Variants in PID1 observed in about 807,000 individuals in gnomAD.
PID1 encodes the protein phosphotyrosine interaction domain containing 1, also known as PTB-containing, cubilin and LRP1-interacting protein.
In PID1, 10 loss-of-function variants were observed where a neutral mutation model predicts 19.1. The observed-to-expected ratio is 0.52, with a 90% CI of 0.32 to 0.89. The LOEUF (loss-of-function observed/expected upper bound fraction) is 0.89, where lower values mean the gene tolerates loss of function less well. PID1 is among the 40% of genes least tolerant of loss of function. The pLI is 0.03. For missense variants in PID1, 248 were observed against 285.3 expected (o/e 0.87, Z 0.94); for synonymous variants, 130 against 116.0 (o/e 1.12, Z -0.78).
chr2:229,170,547 TAAC>T (rs1690690477), intron 1 of PID1, among the ~76,000 whole-genome samples: 1 of 152,222 alleles, frequency 6.6e-6, no homozygotes, highest in African/African-American at 2.4e-5. Context: ...ACAAAAGTGT[TAAC>T]AGCAGCTATT....
chr2:229,199,254 T>C (rs556643146), intron 1 of PID1, among the ~76,000 whole-genome samples: 1 of 152,216 alleles, frequency 6.6e-6, no homozygotes, highest in East Asian at 1.9e-4. Context: ...AAGTATCACG[T>C]TGCTTTCTTT....
At chr2:229,095,728 C>G (rs1694960132) in intron 2 of PID1, among the ~76,000 whole-genome samples, 1 of 152,106 alleles carries the variant, frequency 6.6e-6, no homozygotes, top group African/African-American at 2.4e-5. Context: ...TGTCCAATTT[C>G]AAATTAGACC....
At position 229,136,345 on chromosome 2, in the gene PID1, C is replaced by T. The variant is rs188003921; in HGVS notation, c.177+19473G>A. ...TTGACCACAACCTCAGGAGAGACCC[C>T]GAGACACAGGTGGTCAGATAACCTG... On this transcript the variant is annotated intron_variant, in intron 2 of 2. Transcript: ENST00000392055. Among the ~76,000 whole-genome samples the T allele has an allele frequency of 1.4e-4, 22 of 152,144 alleles. No homozygotes were observed. The East Asian group carries it at 2.5e-3, about 17-fold the overall frequency.
chr2:229,225,114 A>C (rs1185020192), intron 1 of PID1, among the ~76,000 whole-genome samples: 1 of 152,116 alleles, frequency 6.6e-6, no homozygotes, highest in East Asian at 1.9e-4. Context: ...CATACCATAA[A>C]GGTAAGAGCT....
rs115629412 is a variant in PID1, at chr2:229,213,686, A to G, written c.30+57328T>C. On this transcript the variant is annotated intron_variant, in intron 1 of 2. Transcript: ENST00000392055. ...TATATCCCTGTGCCTCTCAAAGGTA[A>G]ACATTATATCTTCCTTCTATTCTCA... Among the ~76,000 whole-genome samples, 554 of 152,322 alleles carry G rather than the reference A, an allele frequency of 3.6e-3. 7 individuals are homozygous for G. Among genetic ancestry groups the G allele is most frequent in the Non-Finnish European group, 4.2e-3 (288 of 68,014 alleles).
intron 1 of PID1, among the ~76,000 whole-genome samples, chr2:229,250,356 T>A (rs879824188): frequency 5.3e-5 from 8 of 152,180 alleles, no homozygotes; most frequent in Non-Finnish European, 8.8e-5. Context: ...TTGGACAAAA[T>A]GCTTTTATTT....
chr2:229,163,931 G>C (rs1690547891), intron 1 of PID1, among the ~76,000 whole-genome samples: 1 of 152,118 alleles, frequency 6.6e-6, no homozygotes, highest in Admixed American at 6.5e-5. Context: ...CTGCTTTGTT[G>C]TTAAAATTTG....
chr2:229,024,118 C>T lies in PID1; in HGVS notation c.*1514G>A, dbSNP rs1693358706. On this transcript the variant is annotated 3_prime_UTR_variant, in exon 3 of 3. Coordinates refer to ENST00000392055, the MANE Select transcript of PID1 (RefSeq NM_001100818.2). ...TCCTCAATATGACTCCATGCTTATT[C>T]TACATGCCTGAAAACTGGGCCCACA... 6.6e-6 allele frequency: 1 copy of T among 152,628 alleles called. No individual in the cohort carries two copies. Among genetic ancestry groups the T allele is most frequent in the African/African-American group, 2.4e-5 (1 of 41,436 alleles). 9.5% of individuals were successfully genotyped at this position (152,628 alleles called of 1,614,324 possible).
intron 2 of PID1, among the ~76,000 whole-genome samples, chr2:229,130,502 T>G (rs1432358627): frequency 6.6e-6 from 1 of 152,224 alleles, no homozygotes; most frequent in East Asian, 1.9e-4. Flanking sequence ...GATCATTTGT[T>G]GAGTGGTGAT....
intron 1 of PID1, among the ~76,000 whole-genome samples, chr2:229,163,939 T>C (rs1240030299): frequency 1.3e-5 from 2 of 152,200 alleles, no homozygotes; most frequent in African/African-American, 2.4e-5. Context: ...TTGTTAAAAT[T>C]TGAAGTGGTT....
chr2:229,162,626 T>C (rs913568057), intron 1 of PID1, among the ~76,000 whole-genome samples: 1 of 152,218 alleles, frequency 6.6e-6, no homozygotes, highest in Admixed American at 6.5e-5. Flanking sequence ...ATCAGATTAA[T>C]GGAAAACTTC....
At chr2:229,147,357 G>C (rs1023644361) in intron 2 of PID1, among the ~76,000 whole-genome samples, 1 of 151,652 alleles carries the variant, frequency 6.6e-6, no homozygotes, top group Non-Finnish European at 1.5e-5. Flanking sequence ...AATTTAAAAA[G>C]TATTACTCAT....
chr2:229,097,182 C>T (rs1694988445), intron 2 of PID1, among the ~76,000 whole-genome samples: 1 of 152,148 alleles, frequency 6.6e-6, no homozygotes. Flanking sequence ...AGCTGGTATA[C>T]AAGTGTCTTA....
intron 2 of PID1, among the ~76,000 whole-genome samples, chr2:229,124,364 G>C (rs939611105): frequency 6.6e-6 from 1 of 151,886 alleles, no homozygotes; most frequent in African/African-American, 2.4e-5. Flanking sequence ...CTTCTCCAAG[G>C]CAACTGGCAT....
chr2:229,114,257 G>C (rs1695366848), intron 2 of PID1, among the ~76,000 whole-genome samples: 1 of 149,512 alleles, frequency 6.7e-6, no homozygotes, highest in South Asian at 2.2e-4. Context: ...CTCTAATATA[G>C]TTACAAAATT....
intron 2 of PID1, among the ~76,000 whole-genome samples, chr2:229,052,938 C>T (rs1662291889): frequency 6.6e-6 from 1 of 152,138 alleles, no homozygotes; most frequent in Non-Finnish European, 1.5e-5. Flanking sequence ...AAAGCTTTGT[C>T]TCAAATGACT....
chr2:229,084,844 T>C (rs1694734458), intron 2 of PID1, among the ~76,000 whole-genome samples: 2 of 134,998 alleles, frequency 1.5e-5, no homozygotes, highest in African/African-American at 5.0e-5. Context: ...TTCTCTTTAC[T>C]GCTTTAAAGC....
chr2:229,032,033 A>G (rs1245423859), intron 2 of PID1, among the ~76,000 whole-genome samples: 1 of 152,066 alleles, frequency 6.6e-6, no homozygotes, highest in Non-Finnish European at 1.5e-5. Context: ...AGGGAAATTG[A>G]GTAAAAACTT....
At chr2:229,134,181 G>C (rs1025016563) in intron 2 of PID1, among the ~76,000 whole-genome samples, 1 of 150,518 alleles carries the variant, frequency 6.6e-6, no homozygotes, top group Non-Finnish European at 1.5e-5. Context: ...CATTGCCAAA[G>C]ACTGAACTAT....
Sources: allele counts gnomAD v4.1 joint callset (sites outside exome capture counted in the v4.1 genomes callset), GRCh38; gene constraint gnomAD v4.1.1; transcripts MANE v1.5; gene names NCBI Gene and HGNC (gene_info 2026-07-23, HGNC 2026-07-21).